Variants in UGT2A1 observed in about 807,000 individuals in gnomAD.
UGT2A1 encodes the protein UDP-glucuronosyltransferase 2A1.
UGT2A1 carries 61 observed loss-of-function variants against 45.4 expected under a neutral mutation model. That is an observed-to-expected ratio of 1.34 (90% CI 1.09 to 1.66). UGT2A1 has a LOEUF of 1.66. Among genes scored for constraint, UGT2A1 ranks in the 40% most tolerant of loss-of-function variants. The pLI is 0.00. For missense variants in UGT2A1, 649 were observed against 574.3 expected (o/e 1.13, Z -1.33); for synonymous variants, 229 against 196.2 (o/e 1.17, Z -1.40).
intron 1 of UGT2A1, among the ~76,000 whole-genome samples, chr4:69,649,127 G>A (rs967190780): frequency 4.6e-5 from 7 of 152,030 alleles, no homozygotes; most frequent in African/African-American, 1.7e-4. Flanking sequence ...TAAATCTTCT[G>A]AAATTATAAA....
At chr4:69,640,720 A>C (rs1200321738) in intron 2 of UGT2A1, among the ~76,000 whole-genome samples, 1 of 151,976 alleles carries the variant, frequency 6.6e-6, no homozygotes, top group African/African-American at 2.4e-5. Flanking sequence ...GTAACAAAAG[A>C]ACTGGGAGGA....
intron 2 of UGT2A1, chr4:69,639,573 A>G: frequency 1.2e-6 from 2 of 1,611,088 alleles, no homozygotes; most frequent in Non-Finnish European, 1.7e-6. Context: ...AACTTCAGTC[A>G]GAGTCAAATT....
intron 3 of UGT2A1, among the ~76,000 whole-genome samples, chr4:69,600,141 T>A: frequency 6.6e-6 from 1 of 152,098 alleles, no homozygotes; most frequent in East Asian, 1.9e-4. Context: ...CCCCAGAGTG[T>A]GAGTGGGGAG....
In UGT2A1 at chr4:69,605,897, C is replaced by T. The variant is rs556774536; in HGVS notation, c.848-6503G>A. On this transcript the variant is annotated intron_variant, in intron 3 of 6. Coordinates refer to ENST00000286604, the MANE Select transcript of UGT2A1 (RefSeq NM_001252275.3). The stretch of plus-strand genomic sequence containing the variant: ...GGAAGACATTGAATCTCTGAATAGA[C>T]CAATAACAGGCTCTGAAATTGAGGC... Among the ~76,000 whole-genome samples, 2 of 136,804 alleles carry T rather than the reference C, an allele frequency of 1.5e-5. 1 individual carries two copies. The highest frequency in any genetic ancestry group is 5.9e-5 in the African/African-American group (2 of 33,848). The allele number at this position is 136,804 out of a possible 152,430, so 89.7% of individuals were successfully genotyped here.
intron 3 of UGT2A1, among the ~76,000 whole-genome samples, chr4:69,632,885 CA>C (rs199639033): frequency 0.023 from 2,002 of 87,440 alleles, 10 homozygotes; most frequent in Middle Eastern, 0.068. Context: ...AAGACTCGGT[CA>C]AAAAAAAAAA....
Position 69,599,409 on chromosome 4 carries a change from A to G in UGT2A1, c.848-15T>C. 1 of 1,611,772 alleles carries G rather than the reference A, an allele frequency of 6.2e-7. No individual in the cohort carries two copies. Among genetic ancestry groups the G allele is most frequent in the South Asian group, 1.1e-5 (1 of 90,568 alleles). On this transcript the variant is annotated splice_polypyrimidine_tract_variant and intron_variant, in intron 3 of 6. Coordinates refer to ENST00000286604, the MANE Select transcript of UGT2A1 (RefSeq NM_001252275.3). ...AGTGGGTCTTCCTGGAGAAAATGTA[A>G]CAAGTTGGATGGAGGAAATTAGCTT...
In UGT2A1 at chr4:69,607,030, A is replaced by G. The variant is rs1187111028; in HGVS notation, c.848-7636T>C. On this transcript the variant is annotated intron_variant, in intron 3 of 6. Transcript: ENST00000286604. The stretch of plus-strand genomic sequence containing the variant: ...ATAGATTCAATGCCATCCCCATCAA[A>G]CTACCAATGACTTTCTTCACAGAAT... 1.3e-4 allele frequency among the ~76,000 whole-genome samples: 17 copies of G among 135,318 alleles called. 4 individuals carry two copies. In the East Asian group the frequency reaches 2.5e-3, roughly 20 times the overall value. The allele number at this position is 135,318 out of a possible 152,430, so 88.8% of individuals were successfully genotyped here. A position where few individuals can be genotyped will look rare whatever the true frequency, so the allele number is the denominator to read the frequency against.
intron 6 of UGT2A1, among the ~76,000 whole-genome samples, chr4:69,593,994 A>G (rs1482819311): frequency 9.7e-6 from 1 of 103,164 alleles, no homozygotes; most frequent in African/African-American, 3.8e-5. Flanking sequence ...TTTTTTTTTG[A>G]GACTGAGTCT....
intron 3 of UGT2A1, among the ~76,000 whole-genome samples, chr4:69,624,560 T>A (rs1429401292): frequency 6.6e-6 from 1 of 151,422 alleles, no homozygotes; most frequent in Non-Finnish European, 1.5e-5. Context: ...TATCTTCATG[T>A]TTATTAGTTG....
intron 2 of UGT2A1, among the ~76,000 whole-genome samples, chr4:69,639,886 T>G (rs1279689266): frequency 6.6e-6 from 1 of 152,054 alleles, no homozygotes; most frequent in Non-Finnish European, 1.5e-5. Flanking sequence ...ATCTACATAT[T>G]CTGTGATAAT....
chr4:69,590,468 G>T (rs4148308), intron 6 of UGT2A1, among the ~76,000 whole-genome samples: 93,648 of 152,018 alleles, frequency 0.62, 29,072 homozygotes, highest in East Asian at 0.74. Context: ...GTGTCTGGAA[G>T]AAAAGTTCCA....
chr4:69,627,615 AG>A (rs767261730), intron 3 of UGT2A1, among the ~76,000 whole-genome samples: 4 of 148,916 alleles, frequency 2.7e-5, no homozygotes, highest in Admixed American at 1.3e-4. Flanking sequence ...AGAAAGAAAG[AG>A]AAGAAAGAAA....
At chr4:69,596,370 T>C (rs766553870) in intron 4 of UGT2A1, 15 of 1,596,276 alleles carry the variant, frequency 9.4e-6, no homozygotes, top group Non-Finnish European at 1.2e-5. Context: ...TCTGGATAAA[T>C]TCTTCCATTT....
chr4:69,650,836 T>C (rs1029780590), intron 1 of UGT2A1, among the ~76,000 whole-genome samples: 4 of 152,112 alleles, frequency 2.6e-5, no homozygotes, highest in Non-Finnish European at 4.4e-5. Context: ...AGAGATTACT[T>C]CCAGCTTTTT....
rs1363441365 is a variant in UGT2A1, at chr4:69,604,908, C to T, written c.848-5514G>A. 1.5e-5 allele frequency among the ~76,000 whole-genome samples: 2 copies of T among 136,530 alleles called. 1 individual carries two copies. The highest frequency in any genetic ancestry group is 3.1e-5 in the Non-Finnish European group (2 of 64,228). 89.6% of individuals were successfully genotyped at this position (136,530 alleles called of 152,430 possible). On this transcript the variant is annotated intron_variant, in intron 3 of 6. Transcript: ENST00000286604. Reference sequence around the variant, plus strand: ...TATATGCACCCAATACAGGAGCACCCAGATTCATAAAGCAAGTCCTTAGAG... The same window carrying T: ...TATATGCACCCAATACAGGAGCACCTAGATTCATAAAGCAAGTCCTTAGAG...
intron 3 of UGT2A1, among the ~76,000 whole-genome samples, chr4:69,604,890 A>G (rs565519822): frequency 7.3e-6 from 1 of 136,972 alleles, no homozygotes; most frequent in Admixed American, 7.2e-5. Flanking sequence ...ATATATATGC[A>G]CCCAATACAG....
chr4:69,642,069 T>C (rs1215524021), intron 2 of UGT2A1, among the ~76,000 whole-genome samples: 1 of 151,690 alleles, frequency 6.6e-6, no homozygotes, highest in African/African-American at 2.4e-5. Flanking sequence ...AGACCACAAG[T>C]GATAGGCTAT....
At chr4:69,648,268 C>T (rs1239665466) in intron 1 of UGT2A1, among the ~76,000 whole-genome samples, 2 of 135,064 alleles carry the variant, frequency 1.5e-5, no homozygotes, top group East Asian at 4.2e-4. Flanking sequence ...TATTATATTA[C>T]TACTTTAGTA....
intron 3 of UGT2A1, among the ~76,000 whole-genome samples, chr4:69,621,768 C>T (rs979487704): frequency 2.0e-5 from 3 of 151,850 alleles, no homozygotes; most frequent in African/African-American, 7.3e-5. Flanking sequence ...CTATCAACGA[C>T]AGATTGGATA....
Sources: allele counts gnomAD v4.1 joint callset (sites outside exome capture counted in the v4.1 genomes callset), GRCh38; gene constraint gnomAD v4.1.1; transcripts MANE v1.5; gene names NCBI Gene and HGNC (gene_info 2026-07-23, HGNC 2026-07-21).